SETBP1: variants seen among roughly 807,000 people sequenced by gnomAD.
SETBP1 encodes the protein SET binding protein 1.
Under a neutral mutation model 101.0 loss-of-function variants are expected in SETBP1, and 9 were observed. That is an observed-to-expected ratio of 0.09 (90% CI 0.05 to 0.16). The LOEUF (loss-of-function observed/expected upper bound fraction) is 0.16. Ranked by LOEUF, SETBP1 falls within the 10% of genes least tolerant of loss-of-function variation. The probability of loss-of-function intolerance (pLI) is 1.00; values close to 1 mark genes in which losing one functional copy is unlikely to be tolerated. For synonymous variants in SETBP1, 818 were observed against 788.5 expected (o/e 1.04, Z -0.63); for missense variants, 1,858 against 2,033.8 (o/e 0.91, Z 1.66).
intron 4 of SETBP1, among the ~76,000 whole-genome samples, chr18:44,960,791 C>A (rs2071595476): frequency 6.6e-6 from 1 of 152,212 alleles, no homozygotes; most frequent in Non-Finnish European, 1.5e-5. Flanking sequence ...TATTCACTTA[C>A]TTGTTTAGGT....
intron 3 of SETBP1, 58 bp from the exon 4 acceptor site, chr18:44,949,823 T>C (rs953903550): frequency 5.2e-6 from 7 of 1,354,620 alleles, no homozygotes; most frequent in African/African-American, 1.4e-5. Flanking sequence ...AGCTTCAACA[T>C]GCTCATCTTT....
intron 5 of SETBP1, among the ~76,000 whole-genome samples, chr18:45,047,504 G>A (rs1009419355): frequency 5.3e-5 from 8 of 152,170 alleles, no homozygotes; most frequent in East Asian, 1.9e-4. Flanking sequence ...AGATAATTTA[G>A]TGGCAACTGA....
intron 4 of SETBP1, among the ~76,000 whole-genome samples, chr18:44,956,378 G>A (rs1399630847): frequency 2.0e-5 from 3 of 152,040 alleles, no homozygotes; most frequent in African/African-American, 7.2e-5. Flanking sequence ...CAAGTTCCAT[G>A]AAAAGACAGG....
At chr18:44,765,228 T>C (rs771563012) in intron 2 of SETBP1, among the ~76,000 whole-genome samples, 26 of 152,066 alleles carry the variant, frequency 1.7e-4, no homozygotes, top group Non-Finnish European at 1.0e-4. Flanking sequence ...TGAAGATCAA[T>C]TGAGTAGGTA....
chr18:44,866,534 G>T (rs1281640288), intron 2 of SETBP1, among the ~76,000 whole-genome samples: 5 of 152,124 alleles, frequency 3.3e-5, no homozygotes, highest in African/African-American at 7.2e-5. Flanking sequence ...TTTTAGACAG[G>T]GTCTTGTTGG....
intron 2 of SETBP1, among the ~76,000 whole-genome samples, chr18:44,734,431 T>C (rs555383470): frequency 9.9e-5 from 15 of 152,196 alleles, no homozygotes; most frequent in Non-Finnish European, 8.8e-5. Flanking sequence ...GTTAATACCA[T>C]TGTTCTTGCA....
chr18:44,686,130 G>A (rs185212616), intron 1 of SETBP1, among the ~76,000 whole-genome samples: 1 of 152,230 alleles, frequency 6.6e-6, no homozygotes, highest in Admixed American at 6.5e-5. Context: ...CAGCGTTGCC[G>A]CTGTCCCAGC....
At chr18:44,735,415 T>G (rs1309239309) in intron 2 of SETBP1, among the ~76,000 whole-genome samples, 1 of 152,242 alleles carries the variant, frequency 6.6e-6, no homozygotes, top group African/African-American at 2.4e-5. Context: ...GATGATCTAT[T>G]AAATTTCCTT....
intron 4 of SETBP1, chr18:44,989,144 A>G (rs1245154341): frequency 6.6e-6 from 1 of 152,224 alleles, no homozygotes; most frequent in Non-Finnish European, 1.5e-5. Flanking sequence ...TAGACCCACT[A>G]TATCTGGAAA....
At chr18:44,777,247 T>G (rs1371804951) in intron 2 of SETBP1, among the ~76,000 whole-genome samples, 1 of 152,120 alleles carries the variant, frequency 6.6e-6, no homozygotes, top group African/African-American at 2.4e-5. Flanking sequence ...AACCCAGGAA[T>G]TTGAATCCAG....
At chr18:44,798,566 C>A (rs1227170792) in intron 2 of SETBP1, among the ~76,000 whole-genome samples, 1 of 152,108 alleles carries the variant, frequency 6.6e-6, no homozygotes, top group Non-Finnish European at 1.5e-5. Flanking sequence ...AAAGAAAAAC[C>A]AAAGTGGCTG....
Position 44,831,735 on chromosome 18 carries a change from T to C in SETBP1, c.487-37495T>C, listed in dbSNP as rs141932941. 2.1e-4 allele frequency among the ~76,000 whole-genome samples: 32 copies of C among 152,348 alleles called. No individual in the cohort carries two copies. The East Asian group carries it at 6.2e-3, about 29-fold the overall frequency. ...ATACATGTTCTATAAATGAAGGCTA[T>C]TGTTACTATTGGTTCTGGGTAACAC... On this transcript the variant is annotated intron_variant, in intron 2 of 5. Coordinates refer to ENST00000649279, the MANE Select transcript of SETBP1 (RefSeq NM_015559.3).
chr18:44,732,269 C>T (rs1028438846), intron 2 of SETBP1, among the ~76,000 whole-genome samples: 3 of 152,164 alleles, frequency 2.0e-5, no homozygotes, highest in Admixed American at 2.0e-4. Flanking sequence ...GCTTACTGCT[C>T]CTTGAAGCTG....
At position 44,952,821 on chromosome 18, in the gene SETBP1, G is replaced by C. The variant is rs199578000; in HGVS notation, c.3481G>C (p.Asp1161His). ...KHKHKHKHKE[D>H]RILGTHDNLS... Reference sequence around the variant, plus strand: ...CAAACACAAGCATAAGCACAAGGAAGACCGGATCCTAGGGACCCATGACAA... The same window carrying C: ...CAAACACAAGCATAAGCACAAGGAACACCGGATCCTAGGGACCCATGACAA... Residue 1161 changes from aspartate (D) to histidine (H), a missense_variant, in exon 4 of 6, where the codon GAC (aspartate) becomes CAC (histidine). This residue lies in a region of SETBP1 where 417 missense variants were observed against 389.1 expected (regional missense o/e 1.07). Transcript: ENST00000649279. 107 of 1,614,084 alleles carry C rather than the reference G, an allele frequency of 6.6e-5. No individual in the cohort carries two copies. In the Admixed American group the frequency reaches 1.7e-3, roughly 26 times the overall value.
chr18:44,804,796 G>A (rs996517276), intron 2 of SETBP1, among the ~76,000 whole-genome samples: 25 of 152,054 alleles, frequency 1.6e-4, no homozygotes, highest in African/African-American at 5.6e-4. Context: ...TGAGCTCAAC[G>A]TGGGATGGTG....
At chr18:44,685,554 C>T (rs56105801) in intron 1 of SETBP1, among the ~76,000 whole-genome samples, 1,853 of 152,248 alleles carry the variant, frequency 0.012, 19 homozygotes, top group Non-Finnish European at 0.018. Flanking sequence ...CTGTACTTCC[C>T]AGTTAAATGA....
rs1420558231 is a variant in SETBP1 at position 45,063,081 on chromosome 18, G to A, written c.4174G>A (p.Gly1392Ser). The A allele has an allele frequency of 2.5e-6, 4 of 1,613,708 alleles. No homozygotes were observed. Among genetic ancestry groups the A allele is most frequent in the East Asian group, 2.2e-5 (1 of 44,854 alleles). Residue 1392 changes from glycine to serine, a missense_variant and splice_region_variant, in exon 6 of 6, where the codon GGC (glycine) becomes AGC (serine). Around this residue, in one of 12 missense-constraint regions of SETBP1, gnomAD observed 417 missense variants for 389.1 expected, o/e 1.07. Transcript: ENST00000649279. ...AASAATSDAV[G>S]SSLKKRFKRR... ...TCTTATCTCTTCCCCTCCCGCAGTC[G>A]GCTCCTCCCTGAAGAAGAGGTTCAA...
chr18:44,920,845 A>G (rs1404965755), intron 3 of SETBP1, among the ~76,000 whole-genome samples: 14 of 123,922 alleles, frequency 1.1e-4, no homozygotes, highest in African/African-American at 5.6e-5. Context: ...AGCTACTGGC[A>G]TCGGCATAGT....
At chr18:44,809,847 T>G (rs759021637) in intron 2 of SETBP1, among the ~76,000 whole-genome samples, 17 of 151,972 alleles carry the variant, frequency 1.1e-4, no homozygotes, top group Non-Finnish European at 2.2e-4. Flanking sequence ...GATTAGGAGG[T>G]TGAAACACTC....
Sources: allele counts gnomAD v4.1 joint callset (sites outside exome capture counted in the v4.1 genomes callset), GRCh38; gene constraint gnomAD v4.1.1; regional missense constraint gnomAD v4.1.1; transcripts MANE v1.5; gene names NCBI Gene and HGNC (gene_info 2026-07-23, HGNC 2026-07-21).